Variants in CAMK1D observed in about 807,000 individuals in gnomAD.
The protein encoded by CAMK1D is calcium/calmodulin-dependent protein kinase type 1D.
Under a neutral mutation model 47.7 loss-of-function variants are expected in CAMK1D, and 9 were observed. The observed-to-expected ratio is 0.19, with a 90% CI of 0.11 to 0.33. The LOEUF is 0.33. Ranked by LOEUF, CAMK1D falls within the 10% of genes least tolerant of loss-of-function variation. The pLI is 1.00. For synonymous variants in CAMK1D, 184 were observed against 184.9 expected (o/e 0.99, Z 0.04); for missense variants, 291 against 488.7 (o/e 0.60, Z 3.81).
intron 1 of CAMK1D, among the ~76,000 whole-genome samples, chr10:12,358,391 G>A (rs530279243): frequency 1.2e-4 from 18 of 152,068 alleles, no homozygotes; most frequent in African/African-American, 4.1e-4. Context: ...AAAATTAGCC[G>A]GCATGGTGTT....
chr10:12,467,867 A>G (rs1002107098), intron 1 of CAMK1D, among the ~76,000 whole-genome samples: 3 of 152,142 alleles, frequency 2.0e-5, no homozygotes, highest in Non-Finnish European at 4.4e-5. Context: ...TTTAAATGGA[A>G]TTTTTTATTG....
intron 1 of CAMK1D, among the ~76,000 whole-genome samples, chr10:12,409,945 C>G (rs1839598203): frequency 6.6e-6 from 1 of 152,192 alleles, no homozygotes; most frequent in Non-Finnish European, 1.5e-5. Flanking sequence ...GAAATGGGAT[C>G]ATGAAATATT....
intron 2 of CAMK1D, among the ~76,000 whole-genome samples, chr10:12,655,127 G>A (rs928015645): frequency 1.3e-5 from 2 of 152,172 alleles, no homozygotes; most frequent in Non-Finnish European, 2.9e-5. Context: ...TTGGCTCACA[G>A]TTCTGCAGGC....
chr10:12,459,448 A>G (rs1351811350), intron 1 of CAMK1D, among the ~76,000 whole-genome samples: 3 of 151,986 alleles, frequency 2.0e-5, no homozygotes, highest in South Asian at 2.1e-4. Flanking sequence ...ATTTTTTTCT[A>G]TTCTGTAGTT....
chr10:12,737,767 G>C (rs1209893007), intron 3 of CAMK1D, among the ~76,000 whole-genome samples: 1 of 152,148 alleles, frequency 6.6e-6, no homozygotes, highest in Non-Finnish European at 1.5e-5. Context: ...AAGGGGACGT[G>C]AGCTACAAGA....
At chr10:12,656,169 G>A (rs1293283861) in intron 2 of CAMK1D, among the ~76,000 whole-genome samples, 1 of 152,178 alleles carries the variant, frequency 6.6e-6, no homozygotes, top group African/African-American at 2.4e-5. Context: ...TGCCCCTCCT[G>A]TGGGACCATT....
chr10:12,464,000 C>T (rs192139868), intron 1 of CAMK1D, among the ~76,000 whole-genome samples: 5 of 152,196 alleles, frequency 3.3e-5, no homozygotes, highest in Admixed American at 6.5e-5. Flanking sequence ...GTAAGTTTCC[C>T]GAGGCCTCCC....
chr10:12,588,297 A>C (rs1837880880), intron 2 of CAMK1D, among the ~76,000 whole-genome samples: 1 of 152,146 alleles, frequency 6.6e-6, no homozygotes, highest in Non-Finnish European at 1.5e-5. Flanking sequence ...GTTAAGAATA[A>C]TGATCGGACA....
chr10:12,560,946 C>T (rs1448470880), intron 2 of CAMK1D, among the ~76,000 whole-genome samples: 1 of 151,022 alleles, frequency 6.6e-6, no homozygotes, highest in African/African-American at 2.4e-5. Context: ...TGGAGTCTCG[C>T]TCTGTCACCC....
At chr10:12,729,527 A>T (rs962432488) in intron 3 of CAMK1D, among the ~76,000 whole-genome samples, 1 of 152,066 alleles carries the variant, frequency 6.6e-6, no homozygotes, top group Admixed American at 6.5e-5. Context: ...AGTCCCAGCT[A>T]CGTGGAAGGG....
chr10:12,798,917 C>T (rs1238360802), intron 6 of CAMK1D, among the ~76,000 whole-genome samples: 6 of 152,168 alleles, frequency 3.9e-5, no homozygotes, highest in African/African-American at 2.4e-5. Context: ...CAGCAGCACT[C>T]AGCAGGACAG....
chr10:12,734,614 C>T (rs1195681526), intron 3 of CAMK1D, among the ~76,000 whole-genome samples: 2 of 148,040 alleles, frequency 1.4e-5, no homozygotes, highest in South Asian at 2.2e-4. Context: ...TGGCTGTATC[C>T]CTCTTTGACT....
At chr10:12,583,716 C>T (rs1408472916) in intron 2 of CAMK1D, among the ~76,000 whole-genome samples, 1 of 151,994 alleles carries the variant, frequency 6.6e-6, no homozygotes, top group Non-Finnish European at 1.5e-5. Flanking sequence ...ATTCTCCTGC[C>T]TCAGCCTCCC....
intron 3 of CAMK1D, among the ~76,000 whole-genome samples, chr10:12,700,946 T>C (rs1389256085): frequency 6.6e-6 from 1 of 152,210 alleles, no homozygotes; most frequent in Non-Finnish European, 1.5e-5. Context: ...TCTCCACGTA[T>C]GTATAAAGCA....
intron 2 of CAMK1D, among the ~76,000 whole-genome samples, chr10:12,659,747 A>G (rs1015485958): frequency 2.6e-5 from 4 of 152,178 alleles, no homozygotes; most frequent in African/African-American, 7.2e-5. Flanking sequence ...ATTCCATGCC[A>G]GGGAACCACG....
At chr10:12,355,237 T>G (rs1217967125) in intron 1 of CAMK1D, among the ~76,000 whole-genome samples, 1 of 152,118 alleles carries the variant, frequency 6.6e-6, no homozygotes, top group African/African-American at 2.4e-5. Context: ...TGTGTCTCCT[T>G]TTTCATTAAA....
chr10:12,771,377 G>A (rs1315239533), intron 5 of CAMK1D, among the ~76,000 whole-genome samples: 1 of 152,242 alleles, frequency 6.6e-6, no homozygotes, highest in African/African-American at 2.4e-5. Context: ...GGCAGGCTGA[G>A]GAGAGCCGGC....
intron 1 of CAMK1D, among the ~76,000 whole-genome samples, chr10:12,515,220 G>A (rs1387660575): frequency 6.6e-6 from 1 of 151,692 alleles, no homozygotes; most frequent in African/African-American, 2.4e-5. Context: ...GACTCTTACG[G>A]TGTGCAGTCT....
intron 6 of CAMK1D, among the ~76,000 whole-genome samples, chr10:12,809,138 G>A (rs962912944): frequency 1.3e-5 from 2 of 151,752 alleles, no homozygotes; most frequent in African/African-American, 2.4e-5. Flanking sequence ...AATCCATACA[G>A]AAATACTTTT....
Sources: allele counts gnomAD v4.1 joint callset (sites outside exome capture counted in the v4.1 genomes callset), GRCh38; gene constraint gnomAD v4.1.1; transcripts MANE v1.5; gene names NCBI Gene and HGNC (gene_info 2026-07-23, HGNC 2026-07-21).